LRRC4C: variants seen among roughly 807,000 people sequenced by gnomAD.
LRRC4C encodes the protein leucine rich repeat containing 4C, also known as leucine-rich repeat-containing protein 4C.
Under a neutral mutation model 33.6 loss-of-function variants are expected in LRRC4C, and 5 were observed. The observed-to-expected ratio is 0.15, with a 90% CI of 0.08 to 0.31. LRRC4C has a LOEUF of 0.31. Ranked by LOEUF, LRRC4C falls within the 10% of genes least tolerant of loss-of-function variation. LRRC4C has a pLI of 1.00. For synonymous variants in LRRC4C, 329 were observed against 302.0 expected, an observed-to-expected ratio of 1.09 and a Z score of -0.93; for missense variants, 560 against 796.7, an observed-to-expected ratio of 0.70 and a Z score of 3.58.
chr11:41,267,484 A>C (rs1949188376), intron 1 of LRRC4C, among the ~76,000 whole-genome samples: 1 of 152,166 alleles, frequency 6.6e-6, no homozygotes, highest in Non-Finnish European at 1.5e-5. Context: ...GGACTGTTGC[A>C]GGTACAATCA....
At chr11:40,483,288 C>T (rs1399524420) in intron 3 of LRRC4C, among the ~76,000 whole-genome samples, 5 of 151,864 alleles carry the variant, frequency 3.3e-5, no homozygotes, top group African/African-American at 7.3e-5. Context: ...GTGAAAGTCA[C>T]GGAGGAAATG....
At chr11:40,613,948 A>G (rs1961494898) in intron 3 of LRRC4C, among the ~76,000 whole-genome samples, 1 of 151,892 alleles carries the variant, frequency 6.6e-6, no homozygotes, top group Non-Finnish European at 1.5e-5. Context: ...CCATGCTGTA[A>G]GCAGAAGTGC....
intron 2 of LRRC4C, among the ~76,000 whole-genome samples, chr11:40,865,544 A>T (rs1024646482): frequency 2.0e-5 from 3 of 150,970 alleles, no homozygotes; most frequent in African/African-American, 4.9e-5. Context: ...ATTTCAAAAC[A>T]TCATGTTGTA....
Position 41,322,617 on chromosome 11 carries a change from G to T in LRRC4C, c.-496+136814C>A, listed in dbSNP as rs532695881. On this transcript the variant is annotated intron_variant, in intron 1 of 6. Transcript: ENST00000528697. Reference sequence around the variant, plus strand: ...CAACCCGAAATTATAATTCTTTAAAGATTTAAAAAAACATACGGGTGTCTA... The same window carrying T: ...CAACCCGAAATTATAATTCTTTAAATATTTAAAAAAACATACGGGTGTCTA... 3.1e-3 allele frequency among the ~76,000 whole-genome samples: 467 copies of T among 152,038 alleles called. 1 individual carries two copies. Among genetic ancestry groups the T allele is most frequent in the Middle Eastern group, 6.8e-3 (2 of 294 alleles).
intron 1 of LRRC4C, among the ~76,000 whole-genome samples, chr11:41,247,651 C>T (rs966632983): frequency 1.3e-5 from 2 of 152,120 alleles, no homozygotes; most frequent in Non-Finnish European, 2.9e-5. Context: ...GGGAAAATGC[C>T]ACCATTATGT....
chr11:41,220,689 A>G (rs1281101595), intron 1 of LRRC4C, among the ~76,000 whole-genome samples: 1 of 152,196 alleles, frequency 6.6e-6, no homozygotes, highest in Non-Finnish European at 1.5e-5. Context: ...CACTTTTCCC[A>G]TCTCATATTT....
At chr11:40,982,409 AAAG>A (rs953511901) in intron 1 of LRRC4C, among the ~76,000 whole-genome samples, 4 of 152,212 alleles carry the variant, frequency 2.6e-5, no homozygotes, top group African/African-American at 9.7e-5. Flanking sequence ...ATGTAAAATG[AAAG>A]AAGATATTTC....
intron 3 of LRRC4C, among the ~76,000 whole-genome samples, chr11:40,573,230 C>T (rs1958053600): frequency 6.6e-6 from 1 of 152,156 alleles, no homozygotes. Flanking sequence ...GTTCTTCCTG[C>T]AGTCATGTTC....
chr11:40,851,451 C>T (rs1046610209), intron 2 of LRRC4C, among the ~76,000 whole-genome samples: 2 of 152,152 alleles, frequency 1.3e-5, no homozygotes, highest in African/African-American at 4.8e-5. Context: ...TCTGCTTACC[C>T]TCTGTGGGCT....
intron 2 of LRRC4C, among the ~76,000 whole-genome samples, chr11:40,753,266 T>C (rs886940544): frequency 6.6e-6 from 1 of 152,016 alleles, no homozygotes; most frequent in Non-Finnish European, 1.5e-5. Flanking sequence ...TAATATGCTG[T>C]ATAATTCGAA....
chr11:40,990,616 A>G (rs565734052), intron 1 of LRRC4C, among the ~76,000 whole-genome samples: 9 of 152,254 alleles, frequency 5.9e-5, no homozygotes, highest in African/African-American at 2.2e-4. Context: ...TGATACTAAG[A>G]CATTCTTTGC....
At chr11:41,197,541 T>G (rs924227311) in intron 1 of LRRC4C, among the ~76,000 whole-genome samples, 4 of 152,042 alleles carry the variant, frequency 2.6e-5, no homozygotes. Flanking sequence ...AGCACCTCTT[T>G]TAAAGGGAAT....
intron 1 of LRRC4C, among the ~76,000 whole-genome samples, chr11:41,008,386 C>A (rs1246604004): frequency 6.6e-6 from 1 of 152,118 alleles, no homozygotes; most frequent in Admixed American, 6.6e-5. Context: ...CTCTTCCTTG[C>A]AAGTTCATAG....
intron 3 of LRRC4C, among the ~76,000 whole-genome samples, chr11:40,551,751 T>A (rs753247721): frequency 6.6e-6 from 1 of 152,214 alleles, no homozygotes; most frequent in Non-Finnish European, 1.5e-5. Context: ...CGTCTTGTAT[T>A]GTTAACTGAT....
chr11:40,719,922 T>G (rs1946925417), intron 2 of LRRC4C, among the ~76,000 whole-genome samples: 1 of 136,076 alleles, frequency 7.3e-6, no homozygotes, highest in Non-Finnish European at 1.6e-5. Context: ...ACTATCCAAC[T>G]TGCTTCCTTT....
chr11:40,547,750 G>T, intron 3 of LRRC4C, among the ~76,000 whole-genome samples: 1 of 151,980 alleles, frequency 6.6e-6, no homozygotes, highest in East Asian at 1.9e-4. Flanking sequence ...CAGGTATGTT[G>T]GGTGCTCTCA....
At chr11:41,136,398 A>G (rs1350944264) in intron 1 of LRRC4C, among the ~76,000 whole-genome samples, 5 of 152,154 alleles carry the variant, frequency 3.3e-5, no homozygotes, top group Non-Finnish European at 2.9e-5. Context: ...GTACAGATGA[A>G]CAAAAGAGAT....
At chr11:41,316,261 G>GAAAAAAA (rs1591247271) in intron 1 of LRRC4C, among the ~76,000 whole-genome samples, 1 of 22,646 alleles carries the variant, frequency 4.4e-5, no homozygotes, top group Non-Finnish European at 1.1e-4. Context: ...TCTCTGGATG[G>GAAAAAAA]CAAAAAAAAA....
At chr11:40,614,190 A>G (rs1347951955) in intron 3 of LRRC4C, among the ~76,000 whole-genome samples, 3 of 151,890 alleles carry the variant, frequency 2.0e-5, no homozygotes, top group Non-Finnish European at 2.9e-5. Flanking sequence ...ATCTTCTTCC[A>G]GTAGAAAGCT....
Sources: gnomAD v4.1 joint callset for allele counts (sites outside exome capture counted in the v4.1 genomes callset) on GRCh38, gnomAD v4.1.1 for gene constraint, MANE v1.5 for transcripts, NCBI Gene and HGNC (gene_info 2026-07-23, HGNC 2026-07-21) for gene names.